MAGI2: variants seen among roughly 807,000 people sequenced by gnomAD.
MAGI2 encodes membrane associated guanylate kinase, WW and PDZ domain containing 2, also known as membrane-associated guanylate kinase, WW and PDZ domain-containing protein 2.
MAGI2 carries 35 observed loss-of-function variants against 133.3 expected under a neutral mutation model. The observed-to-expected ratio is 0.26, with a 90% confidence interval of 0.20 to 0.35. The LOEUF (loss-of-function observed/expected upper bound fraction) is 0.35. MAGI2 is among the 10% of genes least tolerant of loss of function. MAGI2 has a pLI of 1.00. For missense variants in MAGI2, 1,636 were observed against 1,863.4 expected (o/e 0.88, Z 2.25); for synonymous variants, 729 against 710.6 (o/e 1.03, Z -0.41).
intron 2 of MAGI2, among the ~76,000 whole-genome samples, chr7:78,709,266 C>T (rs1277567229): frequency 1.3e-5 from 2 of 151,886 alleles, no homozygotes; most frequent in Non-Finnish European, 1.5e-5. Flanking sequence ...CCTGTCCCCA[C>T]CTGCAACATA....
At chr7:78,468,541 A>G (rs952132775) in intron 6 of MAGI2, among the ~76,000 whole-genome samples, 3 of 152,156 alleles carry the variant, frequency 2.0e-5, no homozygotes, top group African/African-American at 7.2e-5. Context: ...TTATTTCACA[A>G]TGTCTGTTTC....
chr7:78,267,575 C>T (rs1012165309), intron 9 of MAGI2, among the ~76,000 whole-genome samples: 3 of 152,086 alleles, frequency 2.0e-5, no homozygotes, highest in African/African-American at 7.2e-5. Context: ...CTCCCTCAAA[C>T]ACATGGCAAA....
intron 16 of MAGI2, among the ~76,000 whole-genome samples, chr7:78,159,078 C>A (rs897536729): frequency 6.6e-6 from 1 of 152,156 alleles, no homozygotes; most frequent in African/African-American, 2.4e-5. Flanking sequence ...CCCCTACCCA[C>A]CAAATTATCT....
chr7:79,363,463 T>C (rs1316854350), intron 1 of MAGI2, among the ~76,000 whole-genome samples: 1 of 150,324 alleles, frequency 6.7e-6, no homozygotes, highest in African/African-American at 2.4e-5. Context: ...TAAAAAAAAA[T>C]CTATTCTAAA....
At chr7:79,148,376 C>T (rs971995761) in intron 1 of MAGI2, among the ~76,000 whole-genome samples, 2 of 152,174 alleles carry the variant, frequency 1.3e-5, no homozygotes, top group African/African-American at 4.8e-5. Context: ...CCCAGGCCCA[C>T]CTAAGTGTCA....
intron 1 of MAGI2, among the ~76,000 whole-genome samples, chr7:79,048,066 G>T (rs1326525412): frequency 6.6e-6 from 1 of 152,132 alleles, no homozygotes; most frequent in Non-Finnish European, 1.5e-5. Context: ...CATGTCCTTT[G>T]TTTTAAAGGG....
chr7:78,303,928 A>G (rs4540341), intron 9 of MAGI2, among the ~76,000 whole-genome samples: 122 of 152,168 alleles, frequency 8.0e-4, no homozygotes, highest in African/African-American at 2.8e-3. Context: ...AAATTTTATC[A>G]TCTCCAAAAC....
Position 79,453,297 on chromosome 7 carries a change from T to C in MAGI2, c.24A>G (p.Lys8=). The stretch of plus-strand genomic sequence containing the variant: ...CATGGACTTTGCTAGTCCAGTGGCT[T>C]TTCTTTTTCAAGCTTTTGGACATGG... MSKSLKK[K]SHWTSKVHES... Residue 8 remains lysine, a synonymous_variant, in exon 1 of 22, where the codon AAA becomes AAG. Transcript: ENST00000354212. The C allele has an allele frequency of 6.2e-7, 1 of 1,611,794 alleles. No homozygotes were observed. The highest frequency in any genetic ancestry group is 2.2e-5 in the East Asian group (1 of 44,808).
chr7:79,226,611 C>T (rs1316404042), intron 1 of MAGI2, among the ~76,000 whole-genome samples: 1 of 152,078 alleles, frequency 6.6e-6, no homozygotes, highest in African/African-American at 2.4e-5. Context: ...CTTTCTCTTC[C>T]CTTCTCTTTC....
intron 21 of MAGI2, among the ~76,000 whole-genome samples, chr7:78,028,620 C>T (rs958172918): frequency 6.6e-6 from 1 of 152,056 alleles, no homozygotes; most frequent in African/African-American, 2.4e-5. Context: ...TTTGGGAGGC[C>T]AAGGTGGGCA....
intron 2 of MAGI2, among the ~76,000 whole-genome samples, chr7:78,666,454 T>A (rs1206982861): frequency 1.3e-5 from 2 of 152,168 alleles, no homozygotes; most frequent in Admixed American, 6.6e-5. Context: ...TGTTTTCTCT[T>A]GAGACCTGAC....
chr7:78,695,563 A>G (rs1817424016), intron 2 of MAGI2, among the ~76,000 whole-genome samples: 1 of 152,162 alleles, frequency 6.6e-6, no homozygotes, highest in Non-Finnish European at 1.5e-5. Context: ...GGGTTTCTAG[A>G]CATTTCACCA....
At chr7:78,428,526 G>T (rs1469220814) in intron 6 of MAGI2, among the ~76,000 whole-genome samples, 1 of 152,098 alleles carries the variant, frequency 6.6e-6, no homozygotes, top group East Asian at 1.9e-4. Flanking sequence ...TCACAAACTG[G>T]CCTTTTCACG....
chr7:78,262,578 A>G (rs1793616120), intron 9 of MAGI2, among the ~76,000 whole-genome samples: 2 of 152,140 alleles, frequency 1.3e-5, no homozygotes, highest in African/African-American at 4.8e-5. Flanking sequence ...CTTAGAAGTC[A>G]GGGGGTTTAT....
At chr7:78,724,698 A>C (rs898883540) in intron 2 of MAGI2, among the ~76,000 whole-genome samples, 1 of 152,200 alleles carries the variant, frequency 6.6e-6, no homozygotes, top group Non-Finnish European at 1.5e-5. Flanking sequence ...AGCATGTAGC[A>C]TGTCTTGTAC....
chr7:79,285,662 T>C (rs1246961316), intron 1 of MAGI2, among the ~76,000 whole-genome samples: 1 of 152,080 alleles, frequency 6.6e-6, no homozygotes, highest in Non-Finnish European at 1.5e-5. Flanking sequence ...AAATCTTGAG[T>C]CCATGGCTTA....
At position 78,761,654 on chromosome 7, in the gene MAGI2, C is replaced by T. The variant is rs576627007; in HGVS notation, c.419-134415G>A. On this transcript the variant is annotated intron_variant, in intron 2 of 21. Coordinates refer to ENST00000354212, the MANE Select transcript of MAGI2 (RefSeq NM_012301.4). ...CTAATTTTTAGTAAAGATGGGGTTT[C>T]ACCATGTTAGCCATGCTGGTCTCGA... 8.7e-4 allele frequency among the ~76,000 whole-genome samples: 133 copies of T among 152,112 alleles called. 1 individual carries two copies. The highest frequency in any genetic ancestry group is 3.0e-3 in the African/African-American group (124 of 41,514).
At chr7:79,232,183 G>T (rs1831430315) in intron 1 of MAGI2, among the ~76,000 whole-genome samples, 2 of 152,144 alleles carry the variant, frequency 1.3e-5, no homozygotes, top group African/African-American at 4.8e-5. Flanking sequence ...TGTGCTGCTG[G>T]ATTCAGCTTG....
At chr7:79,367,880 A>G (rs1842822084) in intron 1 of MAGI2, among the ~76,000 whole-genome samples, 1 of 60,458 alleles carries the variant, frequency 1.7e-5, no homozygotes, top group African/African-American at 9.0e-5. Context: ...TATATATGTC[A>G]TTGACTGGTC....
Sources: allele counts gnomAD v4.1 joint callset (sites outside exome capture counted in the v4.1 genomes callset), GRCh38; gene constraint gnomAD v4.1.1; transcripts MANE v1.5; gene names NCBI Gene and HGNC (gene_info 2026-07-23, HGNC 2026-07-21).